The following CNNM2 variants were observed in gnomAD, a reference collection of about 807,000 sequenced individuals.
CNNM2 encodes metal transporter CNNM2.
In CNNM2, 12 loss-of-function variants were observed where a neutral mutation model predicts 66.9. The observed-to-expected ratio is 0.18, with a 90% CI of 0.11 to 0.29. The LOEUF (loss-of-function observed/expected upper bound fraction) is 0.29, where lower values mean the gene tolerates loss of function less well. Ranked by LOEUF, CNNM2 falls within the 10% of genes least tolerant of loss-of-function variation. The pLI is 1.00. For synonymous variants in CNNM2, 557 were observed against 501.8 expected, an observed-to-expected ratio of 1.11 and a Z score of -1.47; for missense variants, 705 against 1,167.7, an observed-to-expected ratio of 0.60 and a Z score of 5.77.
intron 2 of CNNM2, among the ~76,000 whole-genome samples, chr10:103,052,518 CTTT>C (rs71019652): frequency 1.1e-4 from 16 of 142,508 alleles, no homozygotes; most frequent in Admixed American, 1.4e-4. Flanking sequence ...AGGTTTTTTT[CTTT>C]TTTTTTTTTT....
intron 1 of CNNM2, among the ~76,000 whole-genome samples, chr10:102,936,009 T>A (rs927466517): frequency 1.4e-5 from 2 of 145,906 alleles, no homozygotes; most frequent in Admixed American, 1.4e-4. Flanking sequence ...GTTTTTTTGG[T>A]TTTTTTTTTG....
In CNNM2 at chr10:103,089,103, T is replaced by C. The variant is rs752803531; in HGVS notation, c.*11923T>C. 4 of 226,960 alleles carry C rather than the reference T, an allele frequency of 1.8e-5. No individual in the cohort carries two copies. The highest frequency in any genetic ancestry group is 3.5e-5 in the Non-Finnish European group (4 of 114,200). 14.1% of individuals were successfully genotyped at this position (226,960 alleles called of 1,614,324 possible). On this transcript the variant is annotated 3_prime_UTR_variant, in exon 8 of 8. Transcript: ENST00000369878. Reference sequence around the variant, plus strand: ...AAGCAACGCAAGTAGAGCATACTTCTGTGCAAAGCCAGTGATAGAGAAGCA... The same window carrying C: ...AAGCAACGCAAGTAGAGCATACTTCCGTGCAAAGCCAGTGATAGAGAAGCA...
chr10:102,975,485 A>AAAC (rs1554894145), intron 1 of CNNM2, among the ~76,000 whole-genome samples: 7 of 151,602 alleles, frequency 4.6e-5, no homozygotes, highest in Admixed American at 6.6e-5. Context: ...AAAAAAAAAA[A>AAAC]AAACAAACCT....
rs943039 is a variant in CNNM2, at chr10:103,065,375, C to T, written c.2074-3254C>T. 0.31 allele frequency among the ~76,000 whole-genome samples: 46,654 copies of T among 152,140 alleles called. 7,300 individuals carry two copies. Among genetic ancestry groups the T allele is most frequent in the Middle Eastern group, 0.36 (106 of 294 alleles). The stretch of plus-strand genomic sequence containing the variant: ...GAGGGCCGGAGCCAGAGTCGGTAAT[C>T]TGGGAATCTCTGCTTTGAGTGTGCA... On this transcript the variant is annotated intron_variant, in intron 4 of 7. Transcript: ENST00000369878.
At position 103,009,518 on chromosome 10, in the gene CNNM2, A is replaced by C. The variant is rs74444347; in HGVS notation, c.1622-40189A>C. On this transcript the variant is annotated intron_variant, in intron 1 of 7. Transcript: ENST00000369878. ...ACCAGCCTGGGCAACACCGTGAGACACTTGTCTACAAAATTTTTAAAAATT... is the reference window on the plus strand; with the variant it reads ...ACCAGCCTGGGCAACACCGTGAGACCCTTGTCTACAAAATTTTTAAAAATT... Among the ~76,000 whole-genome samples, 14,362 of 151,612 alleles carry C rather than the reference A, an allele frequency of 0.095. 881 individuals carry two copies. The highest frequency in any genetic ancestry group is 0.28 in the East Asian group (1,422 of 5,130).
intron 2 of CNNM2, among the ~76,000 whole-genome samples, chr10:103,053,196 A>G (rs182852562): frequency 4.3e-4 from 65 of 152,296 alleles, no homozygotes; most frequent in Non-Finnish European, 7.4e-5. Context: ...CCTGCAAGCT[A>G]AGAGTGTCTT....
intron 1 of CNNM2, among the ~76,000 whole-genome samples, chr10:103,020,196 C>T (rs1292399525): frequency 6.6e-6 from 1 of 151,702 alleles, no homozygotes; most frequent in Non-Finnish European, 1.5e-5. Flanking sequence ...GCTCTGTCAC[C>T]CAGACTAGAA....
intron 1 of CNNM2, chr10:102,927,351 CA>C (rs758995004): frequency 6.2e-7 from 1 of 1,613,838 alleles, no homozygotes; most frequent in Non-Finnish European, 8.5e-7. Context: ...TCAGAACACA[CA>C]AACAAGAAAC....
At chr10:102,968,323 T>G (rs577519299) in intron 1 of CNNM2, among the ~76,000 whole-genome samples, 4 of 152,142 alleles carry the variant, frequency 2.6e-5, no homozygotes, top group Non-Finnish European at 4.4e-5. Context: ...CTCGGCTGAC[T>G]GTAACCTCTG....
At position 103,077,090 on chromosome 10, in the gene CNNM2, G is replaced by T; in HGVS notation, c.2538G>T (p.Leu846Phe). 1 of 1,613,948 alleles carries T rather than the reference G, an allele frequency of 6.2e-7. No homozygotes were observed. Among genetic ancestry groups the T allele is most frequent in the Non-Finnish European group, 8.5e-7 (1 of 1,179,886 alleles). Residue 846 changes from leucine to phenylalanine, a missense_variant, in exon 8 of 8, where the codon TTG (leucine) becomes TTT (phenylalanine). Leu to Phe is a conservative substitution (Grantham distance 22). Coordinates refer to ENST00000369878, the MANE Select transcript of CNNM2 (RefSeq NM_017649.5). ...CTCTTACGGAGCTGCATGACGGGTT[G>T]CCAGACGAGACAGCCAACCTGCTCA... Reference protein sequence around the residue: ...ELTLTELHDGLPDETANLLNE... With the variant: ...ELTLTELHDGFPDETANLLNE...
rs981740062 is a variant in CNNM2, at chr10:103,084,160, C to T, written c.*6980C>T. On this transcript the variant is annotated 3_prime_UTR_variant, in exon 8 of 8. Coordinates refer to ENST00000369878, the MANE Select transcript of CNNM2 (RefSeq NM_017649.5). ...ATCTTTTTGGAATCCCTTTTCTCTC[C>T]ACTTTTAGTCTCTATTTTACATTCC... 3 of 152,160 alleles carry T rather than the reference C, an allele frequency of 2.0e-5. No individual in the cohort carries two copies. Among genetic ancestry groups the T allele is most frequent in the African/African-American group, 7.2e-5 (3 of 41,434 alleles). The allele number at this position is 152,160 out of a possible 1,614,324, so 9.4% of individuals were successfully genotyped here.
chr10:103,064,294 G>C (rs1258258473), intron 4 of CNNM2, among the ~76,000 whole-genome samples: 1 of 152,208 alleles, frequency 6.6e-6, no homozygotes, highest in Non-Finnish European at 1.5e-5. Context: ...TGTGTATTCA[G>C]TTTGAAGACC....
intron 1 of CNNM2, among the ~76,000 whole-genome samples, chr10:103,005,976 T>C (rs1367184277): frequency 1.3e-5 from 2 of 152,102 alleles, no homozygotes; most frequent in Non-Finnish European, 2.9e-5. Context: ...CTCATGGTTA[T>C]ATATAGATTC....
rs569936437 is a variant in CNNM2, at chr10:103,082,092, A to T, written c.*4912A>T. The T allele has an allele frequency of 6.6e-5, 10 of 152,382 alleles. No individual in the cohort carries two copies. In the South Asian group the frequency reaches 2.1e-3, roughly 32 times the overall value. The allele number at this position is 152,382 out of a possible 1,614,324, so 9.4% of individuals were successfully genotyped here. On this transcript the variant is annotated 3_prime_UTR_variant, in exon 8 of 8. Coordinates refer to ENST00000369878, the MANE Select transcript of CNNM2 (RefSeq NM_017649.5). The stretch of plus-strand genomic sequence containing the variant: ...TCTAGGTGTTTGTATGCCAAGGTTT[A>T]TATGTACACAGATCCAACACATACT...
At chr10:102,920,555 C>T (rs562921581) in intron 1 of CNNM2, among the ~76,000 whole-genome samples, 2 of 152,188 alleles carry the variant, frequency 1.3e-5, no homozygotes, top group African/African-American at 4.8e-5. Context: ...CAGTGCAGTC[C>T]TTTTTCTCCT....
At chr10:102,921,401 A>G (rs1845631297) in intron 1 of CNNM2, among the ~76,000 whole-genome samples, 1 of 152,156 alleles carries the variant, frequency 6.6e-6, no homozygotes, top group Non-Finnish European at 1.5e-5. Flanking sequence ...CAAAGAGTGT[A>G]TGGTTGTCCT....
intron 1 of CNNM2, among the ~76,000 whole-genome samples, chr10:102,983,809 A>G (rs1009776781): frequency 6.6e-6 from 1 of 150,526 alleles, no homozygotes; most frequent in Non-Finnish European, 1.5e-5. Flanking sequence ...TCTGTTGCCC[A>G]GGCTGGAATA....
Position 103,011,646 on chromosome 10 carries a change from CTGTG to C in CNNM2, c.1622-38025_1622-38022del, listed in dbSNP as rs10624803. Reference sequence around the variant, plus strand: ...TTCTTTTGCATAAGTAATACTTGCACTGTGTGTGTGTGTGTGTGTGTGTGTGTGT... The same window carrying C: ...TTCTTTTGCATAAGTAATACTTGCACTGTGTGTGTGTGTGTGTGTGTGTGT... On this transcript the variant is annotated intron_variant, in intron 1 of 7. Transcript: ENST00000369878. 0.019 allele frequency among the ~76,000 whole-genome samples: 2,597 copies of C among 136,022 alleles called. 27 individuals carry two copies. The highest frequency in any genetic ancestry group is 0.022 in the Middle Eastern group (6 of 276). 89.2% of individuals were successfully genotyped at this position (136,022 alleles called of 152,430 possible).
rs1298752395 is a variant in CNNM2 at position 103,078,234 on chromosome 10, A to C, written c.*1054A>C. 1 of 152,248 alleles carries C rather than the reference A, an allele frequency of 6.6e-6. No homozygotes were observed. The highest frequency in any genetic ancestry group is 6.5e-5 in the Admixed American group (1 of 15,290). The allele number at this position is 152,248 out of a possible 1,614,324, so 9.4% of individuals were successfully genotyped here. The stretch of plus-strand genomic sequence containing the variant: ...GTCGGACCTTCTAGCTGCACTCTGT[A>C]CTGTGTGCCGAGAAGGCATTTCTAG... On this transcript the variant is annotated 3_prime_UTR_variant, in exon 8 of 8. Transcript: ENST00000369878.
Sources: gnomAD v4.1 joint callset for allele counts (sites outside exome capture counted in the v4.1 genomes callset) on GRCh38, gnomAD v4.1.1 for gene constraint, MANE v1.5 for transcripts, NCBI Gene and HGNC (gene_info 2026-07-23, HGNC 2026-07-21) for gene names.